The following AKT3 variants were observed in gnomAD, a reference collection of about 807,000 sequenced individuals.
The protein encoded by AKT3 is RAC-gamma serine/threonine-protein kinase.
In AKT3, 15 loss-of-function variants were observed where a neutral mutation model predicts 65.3. That is an observed-to-expected ratio of 0.23 (90% CI 0.15 to 0.35). The LOEUF is 0.35. Among genes scored for constraint, AKT3 ranks in the 10% least tolerant of loss-of-function variants. AKT3 has a pLI of 1.00. For synonymous variants in AKT3, 206 were observed against 183.8 expected (o/e 1.12, Z -0.98); for missense variants, 243 against 576.5 (o/e 0.42, Z 5.92).
intron 2 of AKT3, among the ~76,000 whole-genome samples, chr1:243,801,229 T>C (rs779325654): frequency 1.3e-5 from 2 of 152,168 alleles, no homozygotes; most frequent in African/African-American, 2.4e-5. Context: ...ATTTCTTGAA[T>C]GAATGAATGA....
At chr1:243,748,909 T>C (rs1688636915) in intron 2 of AKT3, among the ~76,000 whole-genome samples, 1 of 152,168 alleles carries the variant, frequency 6.6e-6, no homozygotes, top group Non-Finnish European at 1.5e-5. Flanking sequence ...ATTGAAGTAC[T>C]ACTTGGTACT....
At chr1:243,777,798 C>A (rs1410150194) in intron 2 of AKT3, among the ~76,000 whole-genome samples, 1 of 152,208 alleles carries the variant, frequency 6.6e-6, no homozygotes, top group African/African-American at 2.4e-5. Flanking sequence ...AGTACAGATA[C>A]TGATTCCTCG....
At chr1:243,591,176 T>A (rs1040036967) in intron 8 of AKT3, among the ~76,000 whole-genome samples, 1 of 152,078 alleles carries the variant, frequency 6.6e-6, no homozygotes, top group Non-Finnish European at 1.5e-5. Context: ...GCAGCACCTG[T>A]ATGTGGGGAA....
At chr1:243,762,480 G>C (rs1689549311) in intron 2 of AKT3, among the ~76,000 whole-genome samples, 1 of 151,996 alleles carries the variant, frequency 6.6e-6, no homozygotes, top group African/African-American at 2.4e-5. Flanking sequence ...TCCAAAAACT[G>C]TTTCTATGTG....
chr1:243,515,958 C>T (rs572799498), intron 12 of AKT3, among the ~76,000 whole-genome samples: 10 of 148,752 alleles, frequency 6.7e-5, no homozygotes, highest in East Asian at 2.0e-4. Flanking sequence ...GCCTGGGCGA[C>T]GGAGCAAGAC....
intron 2 of AKT3, among the ~76,000 whole-genome samples, chr1:243,722,090 T>C (rs1452992230): frequency 6.6e-6 from 1 of 152,168 alleles, no homozygotes; most frequent in Non-Finnish European, 1.5e-5. Context: ...TTTACAGTCA[T>C]TAAAATTTAC....
chr1:243,513,396 A>T (rs1012864833), intron 12 of AKT3, among the ~76,000 whole-genome samples: 1 of 152,182 alleles, frequency 6.6e-6, no homozygotes, highest in Non-Finnish European at 1.5e-5. Flanking sequence ...CGGGGATAGG[A>T]ACATGGCAAA....
chr1:243,622,605 G>A (rs530056057), intron 6 of AKT3, among the ~76,000 whole-genome samples: 23 of 152,190 alleles, frequency 1.5e-4, no homozygotes, highest in Non-Finnish European at 2.8e-4. Context: ...GAATGAACTA[G>A]TAAATAACGA....
rs1277089927 is a variant in AKT3, at chr1:243,615,167, A to G, written c.562-6T>C. ...AGAGTGTGTGCCACTTCATCCTACA[A>G]AAGAAAAAAAGCAAACCTTCAATAT... is the stretch of plus-strand genomic sequence containing the variant. On this transcript the variant is annotated splice_polypyrimidine_tract_variant and splice_region_variant and intron_variant, in intron 6 of 13. Transcript: ENST00000673466. 6 of 1,601,668 alleles carry G rather than the reference A, an allele frequency of 3.7e-6. No individual in the cohort carries two copies. The highest frequency in any genetic ancestry group is 4.5e-5 in the East Asian group (2 of 44,694).
At chr1:243,833,819 G>C (rs1228253853) in intron 2 of AKT3, among the ~76,000 whole-genome samples, 1 of 151,592 alleles carries the variant, frequency 6.6e-6, no homozygotes, top group Non-Finnish European at 1.5e-5. Context: ...TAGCACTTTG[G>C]GAGGAAAAGG....
chr1:243,746,516 A>ACTTG (rs1358326067), intron 2 of AKT3, among the ~76,000 whole-genome samples: 1 of 152,186 alleles, frequency 6.6e-6, no homozygotes, highest in East Asian at 1.9e-4. Flanking sequence ...TTTAATTACC[A>ACTTG]CTTGCTTGGG....
chr1:243,733,323 C>CA (rs1687666332), intron 2 of AKT3, among the ~76,000 whole-genome samples: 2 of 152,108 alleles, frequency 1.3e-5, no homozygotes, highest in Admixed American at 1.3e-4. Flanking sequence ...TAAGAGACCT[C>CA]AATTATTGTA....
chr1:243,624,624 T>G (rs966301021), intron 6 of AKT3: 3 of 169,336 alleles, frequency 1.8e-5, no homozygotes, highest in Non-Finnish European at 3.9e-5. Flanking sequence ...AGAGGAAAAC[T>G]AAAGAGCTCT....
intron 8 of AKT3, among the ~76,000 whole-genome samples, chr1:243,600,496 GA>G (rs1274855381): frequency 1.3e-5 from 2 of 152,104 alleles, no homozygotes; most frequent in African/African-American, 4.8e-5. Flanking sequence ...GCAGAGTCCA[GA>G]AATCGACCCA....
intron 12 of AKT3, among the ~76,000 whole-genome samples, chr1:243,536,045 T>C (rs1671903264): frequency 6.6e-6 from 1 of 152,204 alleles, no homozygotes; most frequent in Non-Finnish European, 1.5e-5. Context: ...TGTGTATTCA[T>C]GTTGCTTGCC....
chr1:243,779,463 A>G (rs923169578), intron 2 of AKT3, among the ~76,000 whole-genome samples: 2 of 152,154 alleles, frequency 1.3e-5, no homozygotes, highest in Non-Finnish European at 2.9e-5. Context: ...AATGAGAAGA[A>G]CATTCAAACA....
chr1:243,849,951 G>C, intron 1 of AKT3, 89 bp downstream of exon 1: 1 of 923,628 alleles, frequency 1.1e-6, no homozygotes, highest in Non-Finnish European at 1.3e-6. Context: ...CCGCCTGAGG[G>C]AGGCAGGGAG....
At chr1:243,844,682 T>C (rs1358214048) in intron 1 of AKT3, among the ~76,000 whole-genome samples, 1 of 152,118 alleles carries the variant, frequency 6.6e-6, no homozygotes, top group African/African-American at 2.4e-5. Flanking sequence ...TCCCGCTATA[T>C]TGTCCACGCT....
At chr1:243,784,246 G>T (rs1382199871) in intron 2 of AKT3, among the ~76,000 whole-genome samples, 2 of 152,056 alleles carry the variant, frequency 1.3e-5, no homozygotes, top group Admixed American at 6.5e-5. Context: ...GGCAAGTGCA[G>T]AAATCCTGAC....
Sources: gnomAD v4.1 joint callset for allele counts (sites outside exome capture counted in the v4.1 genomes callset) on GRCh38, gnomAD v4.1.1 for gene constraint, MANE v1.5 for transcripts, NCBI Gene and HGNC (gene_info 2026-07-23, HGNC 2026-07-21) for gene names.